Variants in TBC1D22A observed in about 807,000 individuals in gnomAD.
TBC1D22A encodes putative GTPase activator.
A neutral mutation model predicts 60.2 loss-of-function variants in TBC1D22A; 38 were observed. The ratio of observed to expected loss-of-function variants is 0.63; its 90% CI spans 0.49 to 0.83. TBC1D22A has a LOEUF of 0.83. TBC1D22A is among the 40% of genes least tolerant of loss of function. The pLI, the probability that TBC1D22A is intolerant of heterozygous loss-of-function variation, is 0.00. For missense variants in TBC1D22A, 628 were observed against 701.0 expected, an observed-to-expected ratio of 0.90 and a Z score of 1.18; for synonymous variants, 302 against 281.7, an observed-to-expected ratio of 1.07 and a Z score of -0.72.
intron 4 of TBC1D22A, among the ~76,000 whole-genome samples, chr22:46,863,429 G>A (rs9306517): frequency 0.4 from 61,038 of 151,928 alleles, 12,313 homozygotes; most frequent in Non-Finnish European, 0.41. Flanking sequence ...ATTCCCAATT[G>A]ACCAAGGGAC....
At chr22:47,075,843 A>G (rs778778848) in intron 11 of TBC1D22A, among the ~76,000 whole-genome samples, 14 of 152,036 alleles carry the variant, frequency 9.2e-5, no homozygotes, top group Non-Finnish European at 1.5e-4. Flanking sequence ...TTTGAATTTT[A>G]TAAATGGAAA....
chr22:47,137,467 C>T (rs540773628), intron 12 of TBC1D22A, among the ~76,000 whole-genome samples: 5 of 152,284 alleles, frequency 3.3e-5, no homozygotes, highest in East Asian at 1.9e-4. Context: ...GGACATCCTG[C>T]ACCTCCCTGC....
intron 7 of TBC1D22A, among the ~76,000 whole-genome samples, chr22:46,907,162 G>A (rs1219201065): frequency 7.9e-5 from 12 of 152,064 alleles, no homozygotes; most frequent in African/African-American, 1.9e-4. Context: ...GTTCTTCTCC[G>A]TGTGTGCACA....
At chr22:47,055,356 G>T (rs1329256533) in intron 11 of TBC1D22A, among the ~76,000 whole-genome samples, 1 of 152,228 alleles carries the variant, frequency 6.6e-6, no homozygotes, top group Non-Finnish European at 1.5e-5. Flanking sequence ...GCGCGTCTCT[G>T]GCAAACTGAT....
intron 4 of TBC1D22A, among the ~76,000 whole-genome samples, chr22:46,839,309 CTTTT>C (rs1178066621): frequency 4.3e-5 from 6 of 139,980 alleles, no homozygotes; most frequent in East Asian, 2.1e-4. Flanking sequence ...GATTCTTCTT[CTTTT>C]TTTTTTTTTT....
At chr22:46,764,645 C>A (rs1298576221) in intron 1 of TBC1D22A, among the ~76,000 whole-genome samples, 1 of 152,116 alleles carries the variant, frequency 6.6e-6, no homozygotes, top group African/African-American at 2.4e-5. Context: ...AAAATGAGGT[C>A]ATACTGGATG....
At position 46,861,211 on chromosome 22, in the gene TBC1D22A, G is replaced by A. The variant is rs131859; in HGVS notation, c.638-17442G>A. On this transcript the variant is annotated intron_variant, in intron 4 of 12. Coordinates refer to ENST00000337137, the MANE Select transcript of TBC1D22A (RefSeq NM_014346.5). ...GGGGTCAAGTGATCCACCGTGCCTC[G>A]GCTTCCCAAAGTGCTGGGATTATAA... is the stretch of plus-strand genomic sequence containing the variant. Among the ~76,000 whole-genome samples the A allele has an allele frequency of 2.7e-3, 417 of 152,106 alleles. 2 individuals are homozygous for A. The highest frequency in any genetic ancestry group is 5.8e-3 in the South Asian group (28 of 4,812).
chr22:47,021,896 G>T (rs375196721), intron 10 of TBC1D22A, among the ~76,000 whole-genome samples: 1 of 152,134 alleles, frequency 6.6e-6, no homozygotes, highest in Non-Finnish European at 1.5e-5. Flanking sequence ...ACTGCCACCC[G>T]CTTGCCACCC....
chr22:47,136,166 C>T (rs1459187376), intron 12 of TBC1D22A, among the ~76,000 whole-genome samples: 4 of 152,370 alleles, frequency 2.6e-5, no homozygotes, highest in Non-Finnish European at 4.4e-5. Context: ...TCCACCACGT[C>T]CCCTGAGGCC....
At chr22:46,837,896 A>C (rs935899417) in intron 4 of TBC1D22A, among the ~76,000 whole-genome samples, 24 of 152,210 alleles carry the variant, frequency 1.6e-4, no homozygotes, top group African/African-American at 5.1e-4. Flanking sequence ...CCCCATCTTT[A>C]TTAAAAATAC....
Position 47,090,063 on chromosome 22 carries a change from G to T in TBC1D22A, c.1330-21445G>T, listed in dbSNP as rs868420255. On this transcript the variant is annotated intron_variant, in intron 11 of 12. Coordinates refer to ENST00000337137, the MANE Select transcript of TBC1D22A (RefSeq NM_014346.5). ...TTCCCCGGGCCCCGCCGTGCGCAGCGGTCCCGTGCTAGGTCTGTGGGGTCC... is the reference window on the plus strand; with the variant it reads ...TTCCCCGGGCCCCGCCGTGCGCAGCTGTCCCGTGCTAGGTCTGTGGGGTCC... Among the ~76,000 whole-genome samples, 4 of 152,124 alleles carry T rather than the reference G, an allele frequency of 2.6e-5. No homozygotes were observed. In the East Asian group the frequency reaches 7.7e-4, roughly 29 times the overall value.
rs1406722017 is a variant in TBC1D22A, at chr22:47,037,193, T to C, written c.1324T>C (p.Tyr442His). The change falls in exon 11 of 13, where the codon TAC becomes CAC. Residue 442 changes from tyrosine to histidine, a missense_variant. Transcript: ENST00000337137. ...LRCTIRLWDT[Y>H]QSEPDGFSHF... The stretch of plus-strand genomic sequence containing the variant: ...TTGTACCATCCGCCTGTGGGACACC[T>C]ACCAGGTGAGCTCTCCTTCGCACCC... The C allele has an allele frequency of 6.2e-7, 1 of 1,613,498 alleles. No individual in the cohort carries two copies.
chr22:47,067,440 G>A (rs902229962), intron 11 of TBC1D22A, among the ~76,000 whole-genome samples: 2 of 152,194 alleles, frequency 1.3e-5, no homozygotes, highest in Non-Finnish European at 2.9e-5. Context: ...AAAAGCCAGG[G>A]TGCACAAAGA....
intron 12 of TBC1D22A, among the ~76,000 whole-genome samples, chr22:47,145,700 G>T (rs947248283): frequency 5.9e-5 from 9 of 152,174 alleles, no homozygotes; most frequent in African/African-American, 2.2e-4. Context: ...AGTTTGTTCT[G>T]ATTTTTTTCT....
intron 12 of TBC1D22A, among the ~76,000 whole-genome samples, chr22:47,160,203 G>T (rs1273543187): frequency 2.0e-5 from 3 of 152,232 alleles, no homozygotes; most frequent in African/African-American, 4.8e-5. Context: ...TGGGAATCAC[G>T]TGTGGACAGG....
At chr22:47,165,763 C>T (rs551228941) in intron 12 of TBC1D22A, among the ~76,000 whole-genome samples, 1 of 152,230 alleles carries the variant, frequency 6.6e-6, no homozygotes, top group Admixed American at 6.5e-5. Context: ...GCCCTGCCCC[C>T]CGGACCCCGG....
At chr22:47,021,016 C>G (rs953884931) in intron 10 of TBC1D22A, among the ~76,000 whole-genome samples, 2 of 152,210 alleles carry the variant, frequency 1.3e-5, no homozygotes, top group Admixed American at 1.3e-4. Flanking sequence ...CTGTAGCTGC[C>G]AAGGAGTGAA....
rs2065766586 is a variant in TBC1D22A, at chr22:47,109,501, A to G, written c.1330-2007A>G. ...CGCTGGTCATTCCTGTGGGTCGTTC[A>G]GTCCTTGGTGTTTATTTCTGGCCCG... On this transcript the variant is annotated intron_variant, in intron 11 of 12. Coordinates refer to ENST00000337137, the MANE Select transcript of TBC1D22A (RefSeq NM_014346.5). 2.0e-5 allele frequency among the ~76,000 whole-genome samples: 3 copies of G among 152,264 alleles called. No individual in the cohort carries two copies. In the South Asian group the frequency reaches 6.2e-4, roughly 32 times the overall value.
chr22:47,171,563 T>C lies in TBC1D22A; in HGVS notation c.1426-1935T>C, dbSNP rs370559561. Among the ~76,000 whole-genome samples the C allele has an allele frequency of 2.4e-3, 358 of 149,350 alleles. 1 individual carries two copies. The highest frequency in any genetic ancestry group is 8.8e-3 in the African/African-American group (343 of 38,794). ...GGCTGGCCCTGACCTGATGGTCCCC[T>C]GTTTCTCTTCTGAGAACCCCCACTG... is the stretch of plus-strand genomic sequence containing the variant. On this transcript the variant is annotated intron_variant, in intron 12 of 12. Coordinates refer to ENST00000337137, the MANE Select transcript of TBC1D22A (RefSeq NM_014346.5).
Sources: allele counts gnomAD v4.1 joint callset (sites outside exome capture counted in the v4.1 genomes callset), GRCh38; gene constraint gnomAD v4.1.1; transcripts MANE v1.5; gene names NCBI Gene and HGNC (gene_info 2026-07-23, HGNC 2026-07-21).